The following ZFPM2 variants were observed in gnomAD, a reference collection of about 807,000 sequenced individuals.
ZFPM2 encodes zinc finger protein, FOG family member 2.
A neutral mutation model predicts 98.6 loss-of-function variants in ZFPM2; 20 were observed. The ratio of observed to expected loss-of-function variants is 0.20; its 90% CI spans 0.14 to 0.29. The LOEUF (loss-of-function observed/expected upper bound fraction) is 0.29, where lower values mean the gene tolerates loss of function less well. ZFPM2 is among the 10% of genes least tolerant of loss of function. The pLI is 1.00. For synonymous variants in ZFPM2, 518 were observed against 502.7 expected, an observed-to-expected ratio of 1.03 and a Z score of -0.41; for missense variants, 1,310 against 1,388.6, an observed-to-expected ratio of 0.94 and a Z score of 0.90.
chr8:105,481,689 A>ATC (rs1813120665), intron 3 of ZFPM2, among the ~76,000 whole-genome samples: 1 of 152,164 alleles, frequency 6.6e-6, no homozygotes, highest in Admixed American at 6.5e-5. Context: ...AGTGAATGGT[A>ATC]TTAATATAGT....
chr8:105,667,355 C>G (rs1312442040), intron 5 of ZFPM2, among the ~76,000 whole-genome samples: 4 of 152,112 alleles, frequency 2.6e-5, no homozygotes, highest in South Asian at 2.1e-4. Flanking sequence ...ATGGGAAGAT[C>G]TGCATAACTC....
At chr8:105,573,943 G>A (rs1455996232) in intron 4 of ZFPM2, among the ~76,000 whole-genome samples, 16 of 152,184 alleles carry the variant, frequency 1.1e-4, no homozygotes, top group Non-Finnish European at 1.9e-4. Flanking sequence ...TATTATACCA[G>A]CCCTACAACA....
intron 1 of ZFPM2, among the ~76,000 whole-genome samples, chr8:105,330,977 G>A (rs1287600359): frequency 6.6e-6 from 1 of 150,848 alleles, no homozygotes; most frequent in Non-Finnish European, 1.5e-5. Context: ...TTTTTTGTGT[G>A]TATCTGTGAA....
chr8:105,529,515 A>G (rs1356871227), intron 3 of ZFPM2, among the ~76,000 whole-genome samples: 2 of 151,992 alleles, frequency 1.3e-5, no homozygotes, highest in East Asian at 3.9e-4. Context: ...TTCTAAATGA[A>G]TGCAACCCAG....
intron 3 of ZFPM2, among the ~76,000 whole-genome samples, chr8:105,554,394 A>G (rs1439020401): frequency 6.6e-6 from 1 of 152,178 alleles, no homozygotes; most frequent in Admixed American, 6.6e-5. Context: ...GAGCTCTGCC[A>G]TACTTCAGCC....
chr8:105,517,707 C>CACCACACACACACACACA (rs61552974), intron 3 of ZFPM2, among the ~76,000 whole-genome samples: 8,559 of 124,692 alleles, frequency 0.069, 368 homozygotes, highest in Middle Eastern at 0.09. Flanking sequence ...CACACACACA[C>CACCACACACACACACACA]CACACACACA....
At chr8:105,611,544 A>G (rs1816306864) in intron 4 of ZFPM2, among the ~76,000 whole-genome samples, 1 of 152,158 alleles carries the variant, frequency 6.6e-6, no homozygotes, top group African/African-American at 2.4e-5. Flanking sequence ...AGGCTCAAAA[A>G]CTCCAAGGAT....
chr8:105,521,407 G>A lies in ZFPM2; in HGVS notation c.302-39956G>A, dbSNP rs1293518778. ...AGCTCAGAGAAATATATTAAGGGGG[G>A]AGGGGGGGAGGGATGAGTCAATCAT... On this transcript the variant is annotated intron_variant, in intron 3 of 7. Coordinates refer to ENST00000407775, the MANE Select transcript of ZFPM2 (RefSeq NM_012082.4). 3.4e-5 allele frequency among the ~76,000 whole-genome samples: 2 copies of A among 58,958 alleles called. 1 individual carries two copies. The highest frequency in any genetic ancestry group is 5.6e-5 in the Non-Finnish European group (2 of 35,718). The allele number at this position is 58,958 out of a possible 152,430, so 38.7% of individuals were successfully genotyped here. A position where few individuals can be genotyped will look rare whatever the true frequency, so the allele number is the denominator to read the frequency against.
chr8:105,493,797 T>A (rs1343035945), intron 3 of ZFPM2, among the ~76,000 whole-genome samples: 30 of 152,192 alleles, frequency 2.0e-4, no homozygotes, highest in Non-Finnish European at 3.7e-4. Context: ...CTCTCTTTTC[T>A]GTTACAGCAA....
At chr8:105,636,344 A>C (rs999873833) in intron 5 of ZFPM2, among the ~76,000 whole-genome samples, 5 of 152,182 alleles carry the variant, frequency 3.3e-5, no homozygotes, top group African/African-American at 1.2e-4. Flanking sequence ...TTATTAATTC[A>C]TTAATTAACT....
intron 4 of ZFPM2, among the ~76,000 whole-genome samples, chr8:105,617,315 G>C (rs1343107711): frequency 6.6e-6 from 1 of 151,794 alleles, no homozygotes; most frequent in South Asian, 2.1e-4. Context: ...GCTTCTTTTT[G>C]TCTTCCCAGT....
At position 105,801,078 on chromosome 8, in the gene ZFPM2, T is replaced by C. The variant is rs569651646; in HGVS notation, c.996T>C (p.Gly332=). The C allele has an allele frequency of 5.6e-6, 9 of 1,613,614 alleles. No individual in the cohort carries two copies. The Admixed American group carries it at 1.5e-4, about 27-fold the overall frequency. ...GVKMEEFLPP[G]ASLKCTVCSY... is the part of the protein sequence containing the mutation. ...AAATGGAAGAATTCCTGCCCCCTGG[T>C]GCTAGTCTAAAATGCACCGTCTGTA... The change falls in exon 8 of 8, where the codon GGT becomes GGC. Residue 332 remains glycine, a synonymous_variant. Transcript: ENST00000407775.
At chr8:105,555,747 G>T (rs565638978) in intron 3 of ZFPM2, among the ~76,000 whole-genome samples, 2 of 152,210 alleles carry the variant, frequency 1.3e-5, no homozygotes, top group African/African-American at 2.4e-5. Flanking sequence ...AGAAAAATTC[G>T]GTTTTCTCTA....
chr8:105,561,759 T>G (rs183061907), intron 4 of ZFPM2, among the ~76,000 whole-genome samples: 1 of 152,310 alleles, frequency 6.6e-6, no homozygotes, highest in African/African-American at 2.4e-5. Context: ...AGACCAAGAC[T>G]GTTCACATTT....
intron 5 of ZFPM2, among the ~76,000 whole-genome samples, chr8:105,665,896 A>G (rs1340986425): frequency 1.3e-5 from 2 of 152,218 alleles, no homozygotes; most frequent in African/African-American, 2.4e-5. Flanking sequence ...ATGGTATACA[A>G]TTGTGAACTA....
At chr8:105,410,274 T>C (rs1461914081) in intron 1 of ZFPM2, among the ~76,000 whole-genome samples, 2 of 151,986 alleles carry the variant, frequency 1.3e-5, no homozygotes, top group African/African-American at 4.8e-5. Context: ...ATTTCATTCA[T>C]GTAACTGTAT....
intron 4 of ZFPM2, among the ~76,000 whole-genome samples, chr8:105,566,009 A>T (rs1002598993): frequency 1.2e-4 from 19 of 152,168 alleles, no homozygotes; most frequent in Non-Finnish European, 2.9e-5. Flanking sequence ...GTGCAGATGA[A>T]GTTCGATAGC....
chr8:105,414,208 C>T (rs1412278748), intron 1 of ZFPM2, among the ~76,000 whole-genome samples: 1 of 151,948 alleles, frequency 6.6e-6, no homozygotes, highest in Non-Finnish European at 1.5e-5. Flanking sequence ...ATGTATAATA[C>T]ATTAATGCCA....
At chr8:105,689,044 C>A (rs1810814924) in intron 5 of ZFPM2, among the ~76,000 whole-genome samples, 1 of 152,138 alleles carries the variant, frequency 6.6e-6, no homozygotes, top group Non-Finnish European at 1.5e-5. Flanking sequence ...GTAATATCCA[C>A]AGCCTTTGCA....
Sources: allele counts gnomAD v4.1 joint callset (sites outside exome capture counted in the v4.1 genomes callset), GRCh38; gene constraint gnomAD v4.1.1; transcripts MANE v1.5; gene names NCBI Gene and HGNC (gene_info 2026-07-23, HGNC 2026-07-21).